Variants in SEC11A observed in about 807,000 individuals in gnomAD.
SEC11A encodes the protein signal peptidase complex catalytic subunit SEC11A.
A neutral mutation model predicts 25.6 loss-of-function variants in SEC11A; 14 were observed. That is an observed-to-expected ratio of 0.55 (90% CI 0.36 to 0.85). The LOEUF is 0.85. SEC11A is among the 40% of genes least tolerant of loss of function. SEC11A has a pLI of 0.01. For synonymous variants in SEC11A, 83 were observed against 76.4 expected, an observed-to-expected ratio of 1.09 and a Z score of -0.45; for missense variants, 153 against 222.9, an observed-to-expected ratio of 0.69 and a Z score of 2.00.
In SEC11A at chr15:84,691,516, TGAAAG is replaced by T. The variant is rs766959799; in HGVS notation, c.161+14_161+18del. On this transcript the variant is annotated intron_variant, in intron 2 of 5. Transcript: ENST00000268220. Reference sequence around the variant, plus strand: ...AGTAATGCCATGCAATTCCATGCCTTGAAAGGAAAAACTGTTACCTGAGCACCACT... The same window carrying T: ...AGTAATGCCATGCAATTCCATGCCTTGAAAAACTGTTACCTGAGCACCACT... 1.4e-6 allele frequency: 2 copies of T among 1,428,344 alleles called. No individual in the cohort carries two copies. Among genetic ancestry groups the T allele is most frequent in the Non-Finnish European group, 2.0e-6 (2 of 1,017,164 alleles). The allele number at this position is 1,428,344 out of a possible 1,614,324, so 88.5% of individuals were successfully genotyped here.
chr15:84,715,288 C>T (rs931589958), intron 1 of SEC11A, among the ~76,000 whole-genome samples: 2 of 152,124 alleles, frequency 1.3e-5, no homozygotes, highest in African/African-American at 4.8e-5. Context: ...ACAGAACAAC[C>T]TTTTCTAAGG....
chr15:84,709,068 T>C (rs1384803703), intron 1 of SEC11A, among the ~76,000 whole-genome samples: 1 of 152,108 alleles, frequency 6.6e-6, no homozygotes, highest in African/African-American at 2.4e-5. Flanking sequence ...GACAGGGATC[T>C]AGTCACATCC....
chr15:84,677,679 T>C (rs1310701535), intron 4 of SEC11A, among the ~76,000 whole-genome samples: 1 of 152,040 alleles, frequency 6.6e-6, no homozygotes. Context: ...TTCACTGTGT[T>C]AGCCAGGATG....
chr15:84,694,403 G>T (rs1897698449), intron 1 of SEC11A, among the ~76,000 whole-genome samples: 1 of 151,726 alleles, frequency 6.6e-6, no homozygotes, highest in Non-Finnish European at 1.5e-5. Flanking sequence ...ATATTTGGGG[G>T]TGTAATACTA....
intron 1 of SEC11A, among the ~76,000 whole-genome samples, chr15:84,715,535 C>T (rs922916177): frequency 6.6e-6 from 1 of 152,120 alleles, no homozygotes; most frequent in African/African-American, 2.4e-5. Context: ...TCGGTGCAGC[C>T]CGCTACGGTT....
chr15:84,678,202 CA>C (rs199738025), intron 4 of SEC11A, among the ~76,000 whole-genome samples: 2,325 of 148,388 alleles, frequency 0.016, 68 homozygotes, highest in African/African-American at 0.054. Flanking sequence ...CCAGCCTGGG[CA>C]AAAGAGCAAG....
intron 1 of SEC11A, among the ~76,000 whole-genome samples, chr15:84,708,072 G>T (rs533066475): frequency 6.6e-6 from 1 of 151,690 alleles, no homozygotes; most frequent in Non-Finnish European, 1.5e-5. Context: ...TTAGCCAGGC[G>T]TGGTGGCACA....
chr15:84,670,152 T>C (rs1896944355), intron 5 of SEC11A, 83 bp from the exon 6 acceptor site: 2 of 1,340,154 alleles, frequency 1.5e-6, no homozygotes, highest in Non-Finnish European at 2.1e-6. Flanking sequence ...AATTGGTCTT[T>C]GTGAATATAT....
Position 84,687,756 on chromosome 15 carries a change from T to C in SEC11A, c.180A>G (p.Ala60=). ...GAAAGAGAAGATCTCCTCTATGAAATGCAGGTTCCATGCTGCCACTGGAAG... is the reference window on the plus strand; with the variant it reads ...GAAAGAGAAGATCTCCTCTATGAAACGCAGGTTCCATGCTGCCACTGGAAG... ...VVVLSGSMEP[A]FHRGDLLFLT... Residue 60 remains alanine, a synonymous_variant, in exon 3 of 6, where the codon GCA becomes GCG. Transcript: ENST00000268220. 1 of 1,597,546 alleles carries C rather than the reference T, an allele frequency of 6.3e-7. No individual in the cohort carries two copies.
intron 1 of SEC11A, among the ~76,000 whole-genome samples, chr15:84,696,289 G>T (rs529420899): frequency 6.6e-6 from 1 of 152,246 alleles, no homozygotes; most frequent in South Asian, 2.1e-4. Context: ...TTTTCAAGAT[G>T]GTGGCTTTTT....
At chr15:84,708,096 A>G (rs1898151045) in intron 1 of SEC11A, among the ~76,000 whole-genome samples, 1 of 150,164 alleles carries the variant, frequency 6.7e-6, no homozygotes, top group Non-Finnish European at 1.5e-5. Flanking sequence ...CTGTAATCCC[A>G]GTTAATCAGG....
chr15:84,702,491 G>C (rs1037549643), intron 1 of SEC11A, among the ~76,000 whole-genome samples: 1 of 151,664 alleles, frequency 6.6e-6, no homozygotes, highest in East Asian at 1.9e-4. Flanking sequence ...AAATTTTAGA[G>C]ATGAGGTCTT....
At chr15:84,713,719 A>T (rs146592448) in intron 1 of SEC11A, among the ~76,000 whole-genome samples, 1 of 152,324 alleles carries the variant, frequency 6.6e-6, no homozygotes, top group African/African-American at 2.4e-5. Context: ...TTAGAGCAGG[A>T]AGAGTACCTT....
At chr15:84,677,344 A>T (rs929748822) in intron 4 of SEC11A, among the ~76,000 whole-genome samples, 1 of 152,004 alleles carries the variant, frequency 6.6e-6, no homozygotes, top group Non-Finnish European at 1.5e-5. Flanking sequence ...TTTTTTCTAC[A>T]GAAACTTCCT....
intron 1 of SEC11A, among the ~76,000 whole-genome samples, chr15:84,693,756 C>A (rs139585090): frequency 6.6e-6 from 1 of 151,980 alleles, no homozygotes; most frequent in Non-Finnish European, 1.5e-5. Flanking sequence ...CCACTGTACC[C>A]GGCCTCTAAT....
chr15:84,715,479 T>C (rs188590127), intron 1 of SEC11A, among the ~76,000 whole-genome samples: 2 of 152,288 alleles, frequency 1.3e-5, no homozygotes, highest in Non-Finnish European at 1.5e-5. Context: ...CAAGGGCAAG[T>C]AGTGTAACTG....
intron 1 of SEC11A, among the ~76,000 whole-genome samples, chr15:84,708,466 T>G (rs1455595036): frequency 6.6e-6 from 1 of 152,112 alleles, no homozygotes; most frequent in Non-Finnish European, 1.5e-5. Context: ...ACCTCCTATT[T>G]GCTTCACATT....
At chr15:84,700,984 C>CAAAAAAAAA (rs57015135) in intron 1 of SEC11A, among the ~76,000 whole-genome samples, 2 of 78,026 alleles carry the variant, frequency 2.6e-5, no homozygotes, top group African/African-American at 5.5e-5. Context: ...AACTCCATAT[C>CAAAAAAAAA]AAAAAAAAAA....
chr15:84,685,514 T>G (rs986432523), intron 3 of SEC11A, among the ~76,000 whole-genome samples: 1 of 150,566 alleles, frequency 6.6e-6, no homozygotes, highest in African/African-American at 2.4e-5. Flanking sequence ...GCTCAAGCAC[T>G]CCACCCGCCT....
Sources: allele counts gnomAD v4.1 joint callset (sites outside exome capture counted in the v4.1 genomes callset), GRCh38; gene constraint gnomAD v4.1.1; transcripts MANE v1.5; gene names NCBI Gene and HGNC (gene_info 2026-07-23, HGNC 2026-07-21).